RELL1: variants seen among roughly 807,000 people sequenced by gnomAD.
RELL1 encodes the protein RELT-like protein 1.
In RELL1, 10 loss-of-function variants were observed where a neutral mutation model predicts 23.0. The ratio of observed to expected loss-of-function variants is 0.43; its 90% CI spans 0.27 to 0.74. The LOEUF is 0.74. Ranked by LOEUF, RELL1 falls within the 30% of genes least tolerant of loss-of-function variation. The pLI is 0.19. For missense variants in RELL1, 315 were observed against 364.4 expected, an observed-to-expected ratio of 0.86 and a Z score of 1.10; for synonymous variants, 146 against 146.8, an observed-to-expected ratio of 0.99 and a Z score of 0.04.
chr4:37,613,546 C>T (rs1422197060), intron 6 of RELL1, among the ~76,000 whole-genome samples: 1 of 152,010 alleles, frequency 6.6e-6, no homozygotes, highest in Non-Finnish European at 1.5e-5. Context: ...TAATTAATTC[C>T]AAGAGTTCTC....
intron 5 of RELL1, among the ~76,000 whole-genome samples, chr4:37,634,514 C>T (rs1167460462): frequency 6.6e-6 from 1 of 152,252 alleles, no homozygotes; most frequent in Non-Finnish European, 1.5e-5. Context: ...GGCAGAGCCA[C>T]AAACGAAGGG....
intron 6 of RELL1, among the ~76,000 whole-genome samples, chr4:37,630,851 G>A (rs1720105381): frequency 6.6e-6 from 1 of 152,008 alleles, no homozygotes; most frequent in Non-Finnish European, 1.5e-5. Context: ...AAAGGAAAAA[G>A]CATTGGTTTG....
downstream of RELL1, among the ~76,000 whole-genome samples, chr4:37,605,841 A>AAG (rs1553871676): frequency 8.3e-6 from 1 of 121,030 alleles, no homozygotes; most frequent in East Asian, 1.9e-4. Flanking sequence ...GAAAGAAAGA[A>AAG]AGAAGGAAAA....
downstream of RELL1, among the ~76,000 whole-genome samples, chr4:37,605,813 A>G (rs954446116): frequency 3.3e-4 from 40 of 120,022 alleles, no homozygotes; most frequent in African/African-American, 8.6e-4. Flanking sequence ...GAAAGAAAGA[A>G]AGAAAGAAAG....
chr4:37,596,501 A>C (rs1718850287), intron 6 of RELL1, among the ~76,000 whole-genome samples: 1 of 151,478 alleles, frequency 6.6e-6, no homozygotes, highest in African/African-American at 2.4e-5. Context: ...CACACCCTTA[A>C]TATAAGCACT....
chr4:37,637,403 G>A (rs1720369592), intron 4 of RELL1, among the ~76,000 whole-genome samples: 1 of 152,200 alleles, frequency 6.6e-6, no homozygotes. Context: ...CAGTTGGCCT[G>A]GCCACCCTGG....
intron 5 of RELL1, among the ~76,000 whole-genome samples, chr4:37,632,683 G>A (rs1029164299): frequency 1.3e-5 from 2 of 151,312 alleles, no homozygotes; most frequent in Non-Finnish European, 2.9e-5. Flanking sequence ...TCAGCATTAG[G>A]GTTTGAGAGT....
At chr4:37,667,631 AAC>A (rs1171252608) in intron 1 of RELL1, among the ~76,000 whole-genome samples, 1 of 151,786 alleles carries the variant, frequency 6.6e-6, no homozygotes, top group African/African-American at 2.4e-5. Flanking sequence ...TTATCCCTGT[AAC>A]ACAGCAATAA....
intron 3 of RELL1, among the ~76,000 whole-genome samples, chr4:37,639,486 A>G (rs990698781): frequency 3.3e-5 from 5 of 151,854 alleles, no homozygotes; most frequent in African/African-American, 7.3e-5. Flanking sequence ...AAAATATCCA[A>G]ATTTGTAGAT....
intron 1 of RELL1, 41 bp from the exon 2 acceptor site, chr4:37,649,541 A>T (rs1163999001): frequency 6.4e-7 from 1 of 1,557,612 alleles, no homozygotes; most frequent in Non-Finnish European, 8.8e-7. Flanking sequence ...ATATCTGTCC[A>T]GGGCAAGAAA....
chr4:37,635,378 C>A (rs992683064), intron 4 of RELL1, among the ~76,000 whole-genome samples: 4 of 152,080 alleles, frequency 2.6e-5, no homozygotes, highest in African/African-American at 9.7e-5. Flanking sequence ...ATAATCCCAG[C>A]ATTTTGAGAG....
Position 37,679,402 on chromosome 4 carries a change from T to C in RELL1, c.88+6798A>G, listed in dbSNP as rs114670887. ...CTCATTTGAGGACTTATTTTCCCCA[T>C]TGGAAATTTTGCTACTTTGAGCAGT... On this transcript the variant is annotated intron_variant, in intron 1 of 6. Coordinates refer to ENST00000454158, the MANE Select transcript of RELL1 (RefSeq NM_001085400.2). Among the ~76,000 whole-genome samples the C allele has an allele frequency of 3.9e-3, 594 of 152,328 alleles. 1 individual carries two copies. The highest frequency in any genetic ancestry group is 0.014 in the African/African-American group (563 of 41,572).
downstream of RELL1, among the ~76,000 whole-genome samples, chr4:37,587,929 A>G (rs1171709180): frequency 1.3e-5 from 2 of 152,168 alleles, no homozygotes; most frequent in African/African-American, 4.8e-5. Context: ...AGATTGCGCC[A>G]CTGCACTCCA....
At chr4:37,643,214 T>C (rs904070869) in intron 3 of RELL1, among the ~76,000 whole-genome samples, 2 of 152,196 alleles carry the variant, frequency 1.3e-5, no homozygotes, top group African/African-American at 4.8e-5. Flanking sequence ...CTGCAAAGTA[T>C]GGAAAAAACC....
intron 2 of RELL1, 106 bp from the exon 3 acceptor site, chr4:37,647,545 G>T: frequency 1.4e-6 from 1 of 729,874 alleles, no homozygotes; most frequent in Non-Finnish European, 2.4e-6. Flanking sequence ...AGAAGCCTCA[G>T]GAGATCACCC....
chr4:37,686,057 A>C, intron 1 of RELL1, 143 bp downstream of exon 1: 1 of 693,188 alleles, frequency 1.4e-6, no homozygotes, highest in East Asian at 3.3e-5. Context: ...CCGCCGCGGG[A>C]CAGCCAGTTG....
At chr4:37,647,485 A>G (rs1278441693) in intron 2 of RELL1, 46 bp from the exon 3 acceptor site, 2 of 1,323,158 alleles carry the variant, frequency 1.5e-6, no homozygotes, top group Admixed American at 1.7e-5. Flanking sequence ...ATTGGTCACC[A>G]GCATCAAGTC....
At position 37,610,945 on chromosome 4, in the gene RELL1, G is replaced by A. The variant is rs60355168; in HGVS notation, c.*2401C>T. On this transcript the variant is annotated 3_prime_UTR_variant, in exon 7 of 7. Coordinates refer to ENST00000454158, the MANE Select transcript of RELL1 (RefSeq NM_001085400.2). This position sits in a 1 kb window ranked among gnomAD's most constrained non-coding sequence, Gnocchi z 4.1. Reference sequence around the variant, plus strand: ...AGTTCAGTATAAACCAGTAAAAAGCGTATGTGTTGAAAATACTGAACGCTT... The same window carrying A: ...AGTTCAGTATAAACCAGTAAAAAGCATATGTGTTGAAAATACTGAACGCTT... 5.9e-3 allele frequency among the ~76,000 whole-genome samples: 900 copies of A among 152,290 alleles called. 5 individuals carry two copies. Among genetic ancestry groups the A allele is most frequent in the African/African-American group, 0.021 (860 of 41,550 alleles).
At chr4:37,589,047 A>T, downstream of RELL1, 1 of 573,820 alleles carries the variant, frequency 1.7e-6, no homozygotes, top group Non-Finnish European at 3.1e-6. Flanking sequence ...AATTGTTATA[A>T]TATCATTTAA....
Sources: gnomAD v4.1 joint callset for allele counts (sites outside exome capture counted in the v4.1 genomes callset) on GRCh38, gnomAD v4.1.1 for gene constraint, Gnocchi (gnomAD v3.1) non-coding constraint, MANE v1.5 for transcripts, NCBI Gene and HGNC (gene_info 2026-07-23, HGNC 2026-07-21) for gene names.